The following TTC28 variants were observed in gnomAD, a reference collection of about 807,000 sequenced individuals.
TTC28 encodes the protein tetratricopeptide repeat protein 28.
In TTC28, 61 loss-of-function variants were observed where a neutral mutation model predicts 198.0. The ratio of observed to expected loss-of-function variants is 0.31; its 90% confidence interval spans 0.25 to 0.38. The LOEUF (loss-of-function observed/expected upper bound fraction) is 0.38, where lower values mean the gene tolerates loss of function less well. TTC28 is among the 10% of genes least tolerant of loss of function. The pLI, the probability that TTC28 is intolerant of heterozygous loss-of-function variation, is 1.00. For missense variants in TTC28, 2,678 were observed against 3,164.0 expected, an observed-to-expected ratio of 0.85 and a Z score of 3.69; for synonymous variants, 1,171 against 1,297.8, an observed-to-expected ratio of 0.90 and a Z score of 2.10.
chr22:28,251,048 CACAAAGCT>C (rs1368355055), intron 5 of TTC28, among the ~76,000 whole-genome samples: 1 of 152,196 alleles, frequency 6.6e-6, no homozygotes, highest in Non-Finnish European at 1.5e-5. Context: ...CTCTGGGTAT[CACAAAGCT>C]ACTTCTGACT....
chr22:28,132,334 T>C (rs1480596083), intron 6 of TTC28, among the ~76,000 whole-genome samples: 1 of 152,208 alleles, frequency 6.6e-6, no homozygotes, highest in African/African-American at 2.4e-5. Flanking sequence ...TCACCAGTCA[T>C]CCAGCAGTCT....
At chr22:28,594,560 C>T (rs1393408317) in intron 2 of TTC28, among the ~76,000 whole-genome samples, 1 of 147,896 alleles carries the variant, frequency 6.8e-6, no homozygotes. Context: ...TTTAAAGTAA[C>T]ATTCAATTTA....
chr22:28,063,844 A>G lies in TTC28; in HGVS notation c.3932+30236T>C, dbSNP rs181055941. The stretch of plus-strand genomic sequence containing the variant: ...CACGAGGTAGGCGTGTGAACCTAGC[A>G]TGTGAGGGAATGGAGAGAAGAGTAG... On this transcript the variant is annotated intron_variant, in intron 12 of 22. Coordinates refer to ENST00000397906, the MANE Select transcript of TTC28 (RefSeq NM_001145418.2). 5.9e-5 allele frequency among the ~76,000 whole-genome samples: 9 copies of G among 152,172 alleles called. No homozygotes were observed. The East Asian group carries it at 1.7e-3, about 30-fold the overall frequency.
intron 5 of TTC28, among the ~76,000 whole-genome samples, chr22:28,224,311 C>T (rs916574631): frequency 6.6e-6 from 1 of 152,144 alleles, no homozygotes; most frequent in Non-Finnish European, 1.5e-5. Context: ...CCAGGTGATG[C>T]TGATGTTGCT....
chr22:28,096,948 G>A (rs1027918233), intron 10 of TTC28, among the ~76,000 whole-genome samples: 42 of 152,046 alleles, frequency 2.8e-4, no homozygotes, highest in African/African-American at 1.0e-3. Flanking sequence ...GGGATTACAG[G>A]CACGGGCCAC....
chr22:28,514,705 A>G (rs2048748305), intron 2 of TTC28, among the ~76,000 whole-genome samples: 1 of 152,232 alleles, frequency 6.6e-6, no homozygotes, highest in Non-Finnish European at 1.5e-5. Context: ...CAGAGAGAAT[A>G]GCATTCACTG....
intron 2 of TTC28, among the ~76,000 whole-genome samples, chr22:28,556,817 G>A (rs978119167): frequency 5.9e-5 from 9 of 152,188 alleles, no homozygotes; most frequent in African/African-American, 2.2e-4. Context: ...GCTCACTCAT[G>A]CCTCATAAGC....
At chr22:28,366,766 A>G (rs1409388775) in intron 2 of TTC28, among the ~76,000 whole-genome samples, 1 of 152,072 alleles carries the variant, frequency 6.6e-6, no homozygotes, top group Non-Finnish European at 1.5e-5. Context: ...ATGCGAACAT[A>G]AAAAAGACCA....
intron 2 of TTC28, among the ~76,000 whole-genome samples, chr22:28,377,868 A>G (rs2046435523): frequency 6.6e-6 from 1 of 152,238 alleles, no homozygotes; most frequent in Non-Finnish European, 1.5e-5. Flanking sequence ...ATAAACCAAT[A>G]AAAATGAAAC....
chr22:28,625,082 A>C (rs1264964506), intron 2 of TTC28, among the ~76,000 whole-genome samples: 1 of 152,224 alleles, frequency 6.6e-6, no homozygotes, highest in African/African-American at 2.4e-5. Context: ...CCTCCACCTG[A>C]TTAAGGACAT....
chr22:28,677,569 G>A (rs1180730502), intron 1 of TTC28, among the ~76,000 whole-genome samples: 6 of 152,100 alleles, frequency 3.9e-5, no homozygotes, highest in Non-Finnish European at 8.8e-5. Flanking sequence ...AATCTGGGAG[G>A]TGGAGGTTGC....
At chr22:28,632,744 ATT>A (rs2051199099) in intron 1 of TTC28, among the ~76,000 whole-genome samples, 1 of 151,244 alleles carries the variant, frequency 6.6e-6, no homozygotes, top group Admixed American at 6.6e-5. Context: ...AAACTGTTAG[ATT>A]CATAAGTAGC....
intron 12 of TTC28, among the ~76,000 whole-genome samples, chr22:28,085,091 G>C (rs1170820042): frequency 3.3e-5 from 5 of 152,066 alleles, no homozygotes; most frequent in Non-Finnish European, 7.4e-5. Context: ...CACTCTGCAG[G>C]ATATTATCCA....
At chr22:28,076,690 C>T (rs1408910804) in intron 12 of TTC28, among the ~76,000 whole-genome samples, 1 of 152,188 alleles carries the variant, frequency 6.6e-6, no homozygotes, top group Non-Finnish European at 1.5e-5. Flanking sequence ...GACCCTCCCA[C>T]CTTAGCCCTG....
At chr22:28,025,246 TCA>T (rs933576105) in intron 13 of TTC28, among the ~76,000 whole-genome samples, 1 of 152,162 alleles carries the variant, frequency 6.6e-6, no homozygotes, top group Non-Finnish European at 1.5e-5. Flanking sequence ...CGTAGAAACC[TCA>T]GACTCAAGGT....
chr22:28,568,451 C>A (rs2050013531), intron 2 of TTC28, among the ~76,000 whole-genome samples: 1 of 152,062 alleles, frequency 6.6e-6, no homozygotes, highest in Non-Finnish European at 1.5e-5. Context: ...TGATGCTATA[C>A]CCACAAAACC....
chr22:28,031,090 G>T (rs1202506950), intron 12 of TTC28, among the ~76,000 whole-genome samples: 1 of 152,142 alleles, frequency 6.6e-6, no homozygotes, highest in Non-Finnish European at 1.5e-5. Flanking sequence ...AAATACCCAG[G>T]AGTACCTTGA....
chr22:28,216,336 T>C (rs2147191763), intron 5 of TTC28, among the ~76,000 whole-genome samples: 1 of 152,072 alleles, frequency 6.6e-6, no homozygotes, highest in South Asian at 2.1e-4. Flanking sequence ...TGAGTGGGAG[T>C]GCAAAGAAAG....
intron 6 of TTC28, among the ~76,000 whole-genome samples, chr22:28,160,850 T>G (rs1921088953): frequency 6.6e-6 from 1 of 152,172 alleles, no homozygotes; most frequent in Non-Finnish European, 1.5e-5. Flanking sequence ...TGTTTGTTTT[T>G]TGAAGGGAGC....
Sources: allele counts gnomAD v4.1 joint callset (sites outside exome capture counted in the v4.1 genomes callset), GRCh38; gene constraint gnomAD v4.1.1; transcripts MANE v1.5; gene names NCBI Gene and HGNC (gene_info 2026-07-23, HGNC 2026-07-21).